SMAD1: variants seen among roughly 807,000 people sequenced by gnomAD.
The protein encoded by SMAD1 is SMAD family member 1, also known as MAD, mothers against decapentaplegic homolog 1.
SMAD1 carries 6 observed loss-of-function variants against 41.6 expected under a neutral mutation model. The observed-to-expected ratio is 0.14, with a 90% CI of 0.08 to 0.28. The LOEUF is 0.28. Among genes scored for constraint, SMAD1 ranks in the 10% least tolerant of loss-of-function variants. The pLI is 1.00. For synonymous variants in SMAD1, 206 were observed against 203.2 expected, an observed-to-expected ratio of 1.01 and a Z score of -0.12; for missense variants, 379 against 582.6, an observed-to-expected ratio of 0.65 and a Z score of 3.60.
rs955571586 is a variant in SMAD1, at chr4:145,527,465, C to T, written c.401-12339C>T. On this transcript the variant is annotated intron_variant, in intron 2 of 6. Transcript: ENST00000302085. Reference sequence around the variant, plus strand: ...GTCTCGATCTCCTGACCTCGTGATCCGCCCGCCTCGGCCTCCCAAAGTGCT... The same window carrying T: ...GTCTCGATCTCCTGACCTCGTGATCTGCCCGCCTCGGCCTCCCAAAGTGCT... Among the ~76,000 whole-genome samples, 11 of 152,160 alleles carry T rather than the reference C, an allele frequency of 7.2e-5. No individual in the cohort carries two copies. In the East Asian group the frequency reaches 9.7e-4, roughly 13 times the overall value.
rs1230494067 is a variant in SMAD1, at chr4:145,553,880, G to A, written c.1094G>A (p.Gly365Glu). ...AGTCGGAACTGCAACTACCATCATG[G>A]ATTTCATCCTACTACTGTTTGCAAG... is the stretch of plus-strand genomic sequence containing the variant. ...VQSRNCNYHH[G>E]FHPTTVCKIP... Residue 365 changes from glycine (G) to glutamate (E), a missense_variant, in exon 6 of 7, where the codon GGA (glycine) becomes GAA (glutamate). Gly to Glu is a moderately conservative substitution (Grantham distance 98). Coordinates refer to ENST00000302085, the MANE Select transcript of SMAD1 (RefSeq NM_005900.3). 5.0e-6 allele frequency: 8 copies of A among 1,614,108 alleles called. No individual in the cohort carries two copies. The highest frequency in any genetic ancestry group is 2.2e-5 in the South Asian group (2 of 91,076).
At chr4:145,553,701 A>G (rs1212738710) in intron 5 of SMAD1, 83 bp from the exon 6 acceptor site, 4 of 1,231,716 alleles carry the variant, frequency 3.2e-6, no homozygotes, top group Non-Finnish European at 3.5e-6. Context: ...ATGTATATTT[A>G]AGTTTCTGTG....
intron 6 of SMAD1, among the ~76,000 whole-genome samples, chr4:145,557,041 CT>C (rs1732879940): frequency 8.9e-6 from 1 of 112,282 alleles, no homozygotes; most frequent in African/African-American, 6.9e-5. Flanking sequence ...ACCCAACCTT[CT>C]CTGATATTCC....
In SMAD1 at chr4:145,558,578, G is replaced by A. The variant is rs1732971943; in HGVS notation, c.*644G>A. Among the ~76,000 whole-genome samples the A allele has an allele frequency of 6.6e-6, 1 of 152,128 alleles. No individual in the cohort carries two copies. Among genetic ancestry groups the A allele is most frequent in the South Asian group, 2.1e-4 (1 of 4,816 alleles). ...GAAGTTAAGAATTGATTAGACTAGTGAATTTAGGAGTATTTGAGGTGGGTG... is the reference window on the plus strand; with the variant it reads ...GAAGTTAAGAATTGATTAGACTAGTAAATTTAGGAGTATTTGAGGTGGGTG... On this transcript the variant is annotated 3_prime_UTR_variant, in exon 7 of 7. Coordinates refer to ENST00000302085, the MANE Select transcript of SMAD1 (RefSeq NM_005900.3).
At chr4:145,540,866 C>T (rs1444419721) in intron 3 of SMAD1, among the ~76,000 whole-genome samples, 1 of 152,020 alleles carries the variant, frequency 6.6e-6, no homozygotes, top group Non-Finnish European at 1.5e-5. Flanking sequence ...GTTTATTGGG[C>T]TGCTTGAAAT....
chr4:145,535,890 A>C (rs976256782), intron 2 of SMAD1, among the ~76,000 whole-genome samples: 2 of 152,102 alleles, frequency 1.3e-5, no homozygotes, highest in African/African-American at 4.8e-5. Flanking sequence ...AATTGAATAA[A>C]ATTTCAAAGT....
At chr4:145,548,464 A>G (rs528968538) in intron 5 of SMAD1, among the ~76,000 whole-genome samples, 1 of 152,132 alleles carries the variant, frequency 6.6e-6, no homozygotes, top group Admixed American at 6.5e-5. Context: ...CTAACCTCAA[A>G]CGATCAGCCT....
chr4:145,486,449 A>G (rs1728485199), intron 1 of SMAD1, among the ~76,000 whole-genome samples: 1 of 152,190 alleles, frequency 6.6e-6, no homozygotes, highest in Non-Finnish European at 1.5e-5. Flanking sequence ...TAGTAATTGC[A>G]AATTCATTGG....
chr4:145,484,114 T>G (rs1486031632), intron 1 of SMAD1, among the ~76,000 whole-genome samples: 2 of 152,216 alleles, frequency 1.3e-5, no homozygotes, highest in Admixed American at 6.5e-5. Flanking sequence ...GGTTAAATAT[T>G]AAATCTAATA....
At chr4:145,548,731 T>G (rs1398798937) in intron 5 of SMAD1, among the ~76,000 whole-genome samples, 1 of 152,210 alleles carries the variant, frequency 6.6e-6, no homozygotes, top group East Asian at 1.9e-4. Flanking sequence ...AAGAAAATGT[T>G]TATGAGAATC....
At chr4:145,484,720 T>C (rs1235774109) in intron 1 of SMAD1, 3 of 152,238 alleles carry the variant, frequency 2.0e-5, no homozygotes, top group Non-Finnish European at 4.4e-5. Context: ...TTAGGGATGC[T>C]GATAAGGACC....
intron 2 of SMAD1, among the ~76,000 whole-genome samples, chr4:145,535,090 G>C (rs1731539065): frequency 6.6e-6 from 1 of 151,974 alleles, no homozygotes; most frequent in Non-Finnish European, 1.5e-5. Flanking sequence ...AGCGCTGTCT[G>C]AAATACATGA....
rs1380840708 is a variant in SMAD1 at position 145,514,988 on chromosome 4, C to T, written c.375C>T (p.Tyr125=). 8 of 1,613,246 alleles carry T rather than the reference C, an allele frequency of 5.0e-6. No individual in the cohort carries two copies. Among genetic ancestry groups the T allele is most frequent in the Non-Finnish European group, 5.9e-6 (7 of 1,179,636 alleles). The change falls in exon 2 of 7, where the codon TAC becomes TAT. Residue 125 remains tyrosine, a synonymous_variant. Coordinates refer to ENST00000302085, the MANE Select transcript of SMAD1 (RefSeq NM_005900.3). The surrounding 1 kb of genome is among the most constrained non-coding windows in gnomAD (Gnocchi z 4.7). ...SKQKEVCINP[Y]HYKRVESPVL... ...AGAAGGAGGTCTGCATCAATCCCTA[C>T]CACTATAAGAGAGTAGAAAGCCCTG...
upstream of SMAD1, among the ~76,000 whole-genome samples, chr4:145,480,959 C>CAAA (rs112839410): frequency 1.5e-5 from 2 of 135,470 alleles, no homozygotes; most frequent in East Asian, 4.4e-4. Flanking sequence ...ATTTATTCCT[C>CAAA]AAAAAAAAAT....
chr4:145,485,256 T>C (rs903072470), intron 1 of SMAD1, among the ~76,000 whole-genome samples: 7 of 152,108 alleles, frequency 4.6e-5, no homozygotes, highest in African/African-American at 1.7e-4. Context: ...TTGTATTTCT[T>C]GTAGAGACAG....
At position 145,506,082 on chromosome 4, in the gene SMAD1, C is replaced by G. The variant is rs528517122; in HGVS notation, c.-176-8356C>G. 4.6e-5 allele frequency among the ~76,000 whole-genome samples: 7 copies of G among 152,090 alleles called. No homozygotes were observed. The East Asian group carries it at 1.4e-3, about 29-fold the overall frequency. On this transcript the variant is annotated intron_variant, in intron 1 of 6. Transcript: ENST00000302085. ...TGATCTTGAACTCTTGACTGGTGAT[C>G]CCCCCTCCTCGGTCTCCCAAAGTGC...
intron 1 of SMAD1, among the ~76,000 whole-genome samples, chr4:145,501,939 A>G (rs376300131): frequency 6.6e-6 from 1 of 152,202 alleles, no homozygotes; most frequent in Non-Finnish European, 1.5e-5. Context: ...TAATGCTTGT[A>G]TAAGTTGGTA....
Position 145,539,368 on chromosome 4 carries a change from G to C in SMAD1, c.401-436G>C, listed in dbSNP as rs145835961. Among the ~76,000 whole-genome samples the C allele has an allele frequency of 1.7e-3, 257 of 152,278 alleles. 2 individuals are homozygous for C. The highest frequency in any genetic ancestry group is 5.9e-3 in the African/African-American group (246 of 41,562). ...ATTAGTGTGTCAGCTTAAAACACTT[G>C]TGGTGAATAATTCATATCATTCAAT... On this transcript the variant is annotated intron_variant, in intron 2 of 6. Coordinates refer to ENST00000302085, the MANE Select transcript of SMAD1 (RefSeq NM_005900.3).
intron 1 of SMAD1, among the ~76,000 whole-genome samples, chr4:145,512,270 G>T (rs968770134): frequency 2.6e-5 from 4 of 152,202 alleles, no homozygotes; most frequent in Admixed American, 6.5e-5. Context: ...CTTCGTGAAT[G>T]TATGGTTAGA....
Sources: gnomAD v4.1 joint callset for allele counts (sites outside exome capture counted in the v4.1 genomes callset) on GRCh38, gnomAD v4.1.1 for gene constraint, Gnocchi (gnomAD v3.1) non-coding constraint, MANE v1.5 for transcripts, NCBI Gene and HGNC (gene_info 2026-07-23, HGNC 2026-07-21) for gene names.